CNIH3: variants seen among roughly 807,000 people sequenced by gnomAD.
The protein encoded by CNIH3 is cornichon family AMPA receptor auxiliary protein 3, also known as protein cornichon homolog 3.
In CNIH3, 14 loss-of-function variants were observed where a neutral mutation model predicts 24.1. The ratio of observed to expected loss-of-function variants is 0.58; its 90% CI spans 0.38 to 0.91. CNIH3 has a LOEUF of 0.91. Ranked by LOEUF, CNIH3 falls within the 40% of genes least tolerant of loss-of-function variation. The probability of loss-of-function intolerance (pLI) is 0.00; values close to 1 mark genes in which losing one functional copy is unlikely to be tolerated. For missense variants in CNIH3, 178 were observed against 196.8 expected, an observed-to-expected ratio of 0.90 and a Z score of 0.57; for synonymous variants, 68 against 73.8, an observed-to-expected ratio of 0.92 and a Z score of 0.40.
At chr1:224,467,135 C>T (rs1326790286) in intron 1 of CNIH3, among the ~76,000 whole-genome samples, 4 of 152,144 alleles carry the variant, frequency 2.6e-5, no homozygotes, top group Admixed American at 2.6e-4. Flanking sequence ...AAGTGATCAT[C>T]CCACCCCAGC....
chr1:224,593,508 G>A (rs898582921), downstream of CNIH3, among the ~76,000 whole-genome samples: 3 of 152,158 alleles, frequency 2.0e-5, no homozygotes, highest in African/African-American at 7.2e-5. Context: ...TTCCCAACTA[G>A]CTTGTCATCT....
At chr1:224,627,177 C>A (rs1002368195) in intron 1 of CNIH3, among the ~76,000 whole-genome samples, 1 of 152,128 alleles carries the variant, frequency 6.6e-6, no homozygotes, top group Non-Finnish European at 1.5e-5. Context: ...AAAGTCACCT[C>A]TTTGGTAGCC....
At chr1:224,637,842 A>G (rs890970146) in intron 1 of CNIH3, among the ~76,000 whole-genome samples, 1 of 152,130 alleles carries the variant, frequency 6.6e-6, no homozygotes, top group African/African-American at 2.4e-5. Flanking sequence ...TGGCCAGTCA[A>G]CATCATCTGT....
At chr1:224,695,031 A>G (rs183211228) in intron 3 of CNIH3, among the ~76,000 whole-genome samples, 60 of 152,334 alleles carry the variant, frequency 3.9e-4, no homozygotes, top group Non-Finnish European at 7.4e-4. Flanking sequence ...AGAAATCACC[A>G]CTAAAGAACT....
At chr1:224,462,480 C>G (rs1476151192) in intron 1 of CNIH3, among the ~76,000 whole-genome samples, 3 of 151,890 alleles carry the variant, frequency 2.0e-5, no homozygotes, top group Admixed American at 1.3e-4. Flanking sequence ...ATTACAGGCA[C>G]CCACCACCAC....
chr1:224,591,496 CA>C (rs1236883450), downstream of CNIH3, among the ~76,000 whole-genome samples: 1 of 152,206 alleles, frequency 6.6e-6, no homozygotes, highest in African/African-American at 2.4e-5. Context: ...GGCCCATTTA[CA>C]TGATAAAGAG....
At chr1:224,435,633 T>G (rs1248442541) in intron 1 of CNIH3, 2 of 152,226 alleles carry the variant, frequency 1.3e-5, no homozygotes, top group Non-Finnish European at 2.9e-5. Flanking sequence ...AAATATGCAT[T>G]CTGAGAAGGA....
chr1:224,507,476 T>G (rs1211254996), intron 1 of CNIH3, among the ~76,000 whole-genome samples: 2 of 152,246 alleles, frequency 1.3e-5, no homozygotes, highest in South Asian at 2.1e-4. Context: ...AAATAGTGCC[T>G]AGCACATCAT....
chr1:224,524,618 AGT>A (rs1678772310), intron 2 of CNIH3, among the ~76,000 whole-genome samples: 1 of 152,214 alleles, frequency 6.6e-6, no homozygotes, highest in African/African-American at 2.4e-5. Flanking sequence ...TATGTAGTAT[AGT>A]TGCATTGTGT....
chr1:224,689,302 A>T (rs759509129), intron 3 of CNIH3, among the ~76,000 whole-genome samples: 40 of 152,352 alleles, frequency 2.6e-4, no homozygotes, highest in Non-Finnish European at 4.6e-4. Context: ...CATCTGGCTC[A>T]TAAGTGTGCA....
intron 1 of CNIH3, among the ~76,000 whole-genome samples, chr1:224,483,968 C>T (rs1268156492): frequency 2.6e-5 from 4 of 152,080 alleles, no homozygotes; most frequent in East Asian, 3.9e-4. Flanking sequence ...ATCAGGAGTT[C>T]GAGACTAGCC....
At chr1:224,470,719 A>G (rs938341648) in intron 1 of CNIH3, among the ~76,000 whole-genome samples, 1 of 152,052 alleles carries the variant, frequency 6.6e-6, no homozygotes, top group Non-Finnish European at 1.5e-5. Context: ...CGGTCTCCCA[A>G]AGCGCTGGGT....
downstream of CNIH3, chr1:224,537,136 A>C (rs1679319242): frequency 2.0e-5 from 3 of 152,210 alleles, no homozygotes; most frequent in African/African-American, 7.2e-5. Context: ...AAAACTACAT[A>C]TCTCCATCAC....
At chr1:224,452,589 G>T (rs559274464) in intron 1 of CNIH3, among the ~76,000 whole-genome samples, 5 of 150,330 alleles carry the variant, frequency 3.3e-5, no homozygotes, top group Non-Finnish European at 5.9e-5. Context: ...AGACCATCCT[G>T]GCTAACACGG....
At chr1:224,719,624 C>CAT (rs1688608892) in intron 3 of CNIH3, among the ~76,000 whole-genome samples, 1 of 152,148 alleles carries the variant, frequency 6.6e-6, no homozygotes, top group Admixed American at 6.5e-5. Flanking sequence ...ATTTAATACT[C>CAT]ATAACAGTCC....
At chr1:224,444,638 G>A (rs1389522273) in intron 1 of CNIH3, among the ~76,000 whole-genome samples, 6 of 148,094 alleles carry the variant, frequency 4.1e-5, no homozygotes, top group Admixed American at 3.4e-4. Flanking sequence ...ATGAGCCACC[G>A]CGCCCTGCTG....
At chr1:224,734,503 G>T in intron 4 of CNIH3, 60 bp from the exon 5 acceptor site, 3 of 1,577,460 alleles carry the variant, frequency 1.9e-6, no homozygotes, top group Non-Finnish European at 1.7e-6. Context: ...GGAAGGGTTT[G>T]CCCAGGTTAC....
intron 1 of CNIH3, among the ~76,000 whole-genome samples, chr1:224,492,369 TA>T (rs1018999457): frequency 3.9e-5 from 6 of 152,242 alleles, no homozygotes; most frequent in Admixed American, 6.5e-5. Context: ...TTGTCATATC[TA>T]ATTAAATGAG....
chr1:224,670,619 G>T (rs1016126057), intron 1 of CNIH3, among the ~76,000 whole-genome samples: 1 of 152,204 alleles, frequency 6.6e-6, no homozygotes, highest in Admixed American at 6.5e-5. Flanking sequence ...AAATGGAGGA[G>T]GCTGGGTCAC....
Sources: gnomAD v4.1 joint callset for allele counts (sites outside exome capture counted in the v4.1 genomes callset) on GRCh38, gnomAD v4.1.1 for gene constraint, MANE v1.5 for transcripts, NCBI Gene and HGNC (gene_info 2026-07-23, HGNC 2026-07-21) for gene names.